AAK1: variants seen among roughly 807,000 people sequenced by gnomAD.
AAK1 encodes the protein AP2-associated protein kinase 1.
AAK1 carries 37 observed loss-of-function variants against 116.0 expected under a neutral mutation model. The observed-to-expected ratio is 0.32, with a 90% confidence interval of 0.25 to 0.42. AAK1 has a LOEUF of 0.42. AAK1 is among the 10% of genes least tolerant of loss of function. AAK1 has a pLI of 1.00. For synonymous variants in AAK1, 458 were observed against 439.9 expected, an observed-to-expected ratio of 1.04 and a Z score of -0.51; for missense variants, 919 against 1,170.6, an observed-to-expected ratio of 0.79 and a Z score of 3.14.
At chr2:69,511,252 C>T (rs1296095931) in intron 13 of AAK1, among the ~76,000 whole-genome samples, 2 of 152,240 alleles carry the variant, frequency 1.3e-5, no homozygotes, top group Non-Finnish European at 2.9e-5. Context: ...GACTATCCAG[C>T]TACCTGGGTC....
At chr2:69,509,554 T>C in intron 13 of AAK1, 94 bp from the exon 14 acceptor site, 1 of 1,076,482 alleles carries the variant, frequency 9.3e-7, no homozygotes, top group Non-Finnish European at 1.3e-6. Context: ...CAACAAAAAA[T>C]GCCACATAAG....
chr2:69,606,479 A>G (rs1007683850), intron 2 of AAK1, among the ~76,000 whole-genome samples: 1 of 152,140 alleles, frequency 6.6e-6, no homozygotes, highest in African/African-American at 2.4e-5. Context: ...GGATACACAC[A>G]GCAACTTCTT....
chr2:69,579,961 C>T (rs1672474297), intron 2 of AAK1, among the ~76,000 whole-genome samples: 1 of 152,122 alleles, frequency 6.6e-6, no homozygotes. Flanking sequence ...AATCAAACCC[C>T]AGGTGTCCCC....
rs1464405430 is a variant in AAK1, at chr2:69,463,978, AG to A, written c.*11890del. On this transcript the variant is annotated 3_prime_UTR_variant, in exon 22 of 22. Transcript: ENST00000409085. Reference sequence around the variant, plus strand: ...CTTTATTTTAAGGCACTAATAATAAAGGGTATGAAAAAAGCTAGGAATAAGT... The same window carrying A: ...CTTTATTTTAAGGCACTAATAATAAAGGTATGAAAAAAGCTAGGAATAAGT... 5 of 152,654 alleles carry A rather than the reference AG, an allele frequency of 3.3e-5. No homozygotes were observed. The highest frequency in any genetic ancestry group is 3.3e-4 in the Admixed American group (5 of 15,282). 9.5% of individuals were successfully genotyped at this position (152,654 alleles called of 1,614,324 possible).
At chr2:69,569,280 T>A (rs1362360155) in intron 2 of AAK1, among the ~76,000 whole-genome samples, 4 of 152,130 alleles carry the variant, frequency 2.6e-5, no homozygotes, top group Admixed American at 6.6e-5. Flanking sequence ...ACTGCAAACA[T>A]CCATACACCC....
rs1674814341 is a variant in AAK1 at position 69,475,384 on chromosome 2, G to A, written c.*485C>T. The A allele has an allele frequency of 2.0e-6, 2 of 989,730 alleles. No individual in the cohort carries two copies. Among genetic ancestry groups the A allele is most frequent in the South Asian group, 9.2e-5 (2 of 21,634 alleles). 61.3% of individuals were successfully genotyped at this position (989,730 alleles called of 1,614,324 possible). ...CTACTGCCTAGAGTTAAGACCAACT[G>A]AAGTAGCCATGTCCTCATGATAATG... is the stretch of plus-strand genomic sequence containing the variant. On this transcript the variant is annotated 3_prime_UTR_variant, in exon 22 of 22. Transcript: ENST00000409085.
At position 69,518,962 on chromosome 2, in the gene AAK1, T is replaced by C. The variant is rs374219838; in HGVS notation, c.1489A>G (p.Thr497Ala). The C allele has an allele frequency of 2.6e-6, 4 of 1,546,446 alleles. No homozygotes were observed. The African/African-American group carries it at 5.5e-5, about 21-fold the overall frequency. ...CACTCTGACCACCTTACCTGCTGAG[T>C]CTGGGCCTGCTGCTGCTGGTAAAAC... The part of the protein sequence containing the change: ...GTFYQQQQAQ[T>A]QQFQAVHPAT... The change falls in exon 12 of 22, where the codon ACT becomes GCT. Residue 497 changes from threonine to alanine, a missense_variant. Coordinates refer to ENST00000409085, the MANE Select transcript of AAK1 (RefSeq NM_014911.5).
At chr2:69,633,181 TG>T (rs1353852523) in intron 2 of AAK1, among the ~76,000 whole-genome samples, 1 of 144,276 alleles carries the variant, frequency 6.9e-6, no homozygotes, top group Non-Finnish European at 1.5e-5. Flanking sequence ...ATCGCGCCAC[TG>T]CACTCCAGCC....
intron 2 of AAK1, among the ~76,000 whole-genome samples, chr2:69,569,917 G>A (rs1672025888): frequency 6.6e-6 from 1 of 152,060 alleles, no homozygotes; most frequent in Admixed American, 6.6e-5. Flanking sequence ...CTGTTATAAA[G>A]AAAGCTCTAA....
At chr2:69,496,401 C>T (rs1006051379) in intron 16 of AAK1, among the ~76,000 whole-genome samples, 2 of 151,362 alleles carry the variant, frequency 1.3e-5, no homozygotes, top group East Asian at 2.0e-4. Flanking sequence ...CCTCCTGAGT[C>T]GCCAGGCGCC....
chr2:69,476,289 C>G (rs1440865717), intron 21 of AAK1, among the ~76,000 whole-genome samples: 1 of 152,110 alleles, frequency 6.6e-6, no homozygotes, highest in African/African-American at 2.4e-5. Flanking sequence ...ATACCAACTT[C>G]CTGATAATAT....
chr2:69,496,784 C>G (rs1237341995), intron 16 of AAK1, among the ~76,000 whole-genome samples: 2 of 152,076 alleles, frequency 1.3e-5, no homozygotes, highest in Non-Finnish European at 2.9e-5. Flanking sequence ...TCCTATGTAT[C>G]TATCACCCTC....
At chr2:69,508,805 T>G (rs1436821983) in intron 14 of AAK1, among the ~76,000 whole-genome samples, 1 of 152,170 alleles carries the variant, frequency 6.6e-6, no homozygotes, top group Non-Finnish European at 1.5e-5. Context: ...AGGTGAAGAA[T>G]GGCAAGTCTG....
rs1004384692 is a variant in AAK1, at chr2:69,530,557, A to ATT, written c.738+66_738+67dup. 8.2e-6 allele frequency: 11 copies of ATT among 1,349,406 alleles called. No individual in the cohort carries two copies. The African/African-American group carries it at 1.6e-4, about 19-fold the overall frequency. 83.6% of individuals were successfully genotyped at this position (1,349,406 alleles called of 1,614,324 possible). ...GCCACCATGCTATAGCGCTGTGTGC[A>ATT]TTAACCTTGGGAATTCACAGTCAAG... On this transcript the variant is annotated intron_variant, in intron 7 of 21. Coordinates refer to ENST00000409085, the MANE Select transcript of AAK1 (RefSeq NM_014911.5).
At chr2:69,527,419 A>G in intron 8 of AAK1, 100 bp from the exon 9 acceptor site, 1 of 812,950 alleles carries the variant, frequency 1.2e-6, no homozygotes, top group Non-Finnish European at 2.0e-6. Context: ...TTGTTTTTAA[A>G]CTTTTATTTT....
At chr2:69,537,473 C>A (rs149859889) in intron 5 of AAK1, among the ~76,000 whole-genome samples, 1 of 152,104 alleles carries the variant, frequency 6.6e-6, no homozygotes, top group Admixed American at 6.5e-5. Context: ...CCACAAGGCC[C>A]GAAGTAGGCC....
At chr2:69,588,486 T>G (rs541571051) in intron 2 of AAK1, among the ~76,000 whole-genome samples, 1 of 152,164 alleles carries the variant, frequency 6.6e-6, no homozygotes, top group African/African-American at 2.4e-5. Context: ...TCCCTCTCTG[T>G]TATAACGGTT....
intron 9 of AAK1, 109 bp from the exon 10 acceptor site, chr2:69,525,221 G>T: frequency 9.0e-7 from 1 of 1,112,182 alleles, no homozygotes; most frequent in Non-Finnish European, 1.3e-6. Flanking sequence ...CACATTTTGG[G>T]ATCTTCTGGA....
Position 69,498,399 on chromosome 2 carries a change from A to G in AAK1, c.2270-2319T>C, listed in dbSNP as rs749426578. On this transcript the variant is annotated intron_variant, in intron 16 of 21. Coordinates refer to ENST00000409085, the MANE Select transcript of AAK1 (RefSeq NM_014911.5). Reference sequence around the variant, plus strand: ...TCTCTCCAGTTCTGCCTCTGGCATGAGGAGGATGCTCTGGGGTCTACTGGG... The same window carrying G: ...TCTCTCCAGTTCTGCCTCTGGCATGGGGAGGATGCTCTGGGGTCTACTGGG... Among the ~76,000 whole-genome samples the G allele has an allele frequency of 5.9e-5, 9 of 151,792 alleles. No individual in the cohort carries two copies. The South Asian group carries it at 6.2e-4, about 11-fold the overall frequency.
Sources: gnomAD v4.1 joint callset for allele counts (sites outside exome capture counted in the v4.1 genomes callset) on GRCh38, gnomAD v4.1.1 for gene constraint, MANE v1.5 for transcripts, NCBI Gene and HGNC (gene_info 2026-07-23, HGNC 2026-07-21) for gene names.